CD163L1: variants seen among roughly 807,000 people sequenced by gnomAD.
CD163L1 encodes the protein scavenger receptor cysteine-rich type 1 protein M160.
In CD163L1, 124 loss-of-function variants were observed where a neutral mutation model predicts 165.4. The observed-to-expected ratio is 0.75, with a 90% CI of 0.65 to 0.87. CD163L1 has a LOEUF of 0.87. Among genes scored for constraint, CD163L1 ranks in the 40% least tolerant of loss-of-function variants. The probability of loss-of-function intolerance (pLI) is 0.00; values close to 1 mark genes in which losing one functional copy is unlikely to be tolerated. For missense variants in CD163L1, 1,525 were observed against 1,799.9 expected (o/e 0.85, Z 2.76); for synonymous variants, 585 against 662.2 (o/e 0.88, Z 1.79).
the CD163L1 span, chr12:7,328,520 T>TA: frequency 2.0e-6 from 1 of 499,922 alleles, no homozygotes; most frequent in Non-Finnish European, 3.2e-6. Context: ...TTTACTTAGC[T>TA]AAAAAGTTTA....
chr12:7,388,711 C>A (rs1947575475), intron 8 of CD163L1, among the ~76,000 whole-genome samples: 3 of 149,888 alleles, frequency 2.0e-5, no homozygotes, highest in Non-Finnish European at 3.0e-5. Context: ...GCCACTCCAC[C>A]CCAGCCTGGA....
intron 8 of CD163L1, among the ~76,000 whole-genome samples, chr12:7,387,887 AAGCTACAGT>A (rs1413053684): frequency 6.6e-6 from 1 of 152,194 alleles, no homozygotes; most frequent in African/African-American, 2.4e-5. Context: ...ATACACTACA[AAGCTACAGT>A]AACCAAAACA....
intron 8 of CD163L1, among the ~76,000 whole-genome samples, chr12:7,388,839 A>G (rs1368951055): frequency 1.3e-5 from 2 of 152,194 alleles, no homozygotes; most frequent in Admixed American, 1.3e-4. Context: ...AAAACTAAAA[A>G]TAGAACTTAA....
At chr12:7,420,470 C>T (rs1948327153) in intron 4 of CD163L1, among the ~76,000 whole-genome samples, 1 of 152,014 alleles carries the variant, frequency 6.6e-6, no homozygotes, top group Non-Finnish European at 1.5e-5. Flanking sequence ...CGACAAAAGA[C>T]TAATTTACAG....
At chr12:7,330,349 T>C in the CD163L1 span, among the ~76,000 whole-genome samples, 1 of 152,216 alleles carries the variant, frequency 6.6e-6, no homozygotes, top group East Asian at 1.9e-4. Context: ...TCCATTTCCG[T>C]AAGCTAACTT....
At chr12:7,362,830 A>G (rs762291217) in intron 18 of CD163L1, among the ~76,000 whole-genome samples, 3 of 151,426 alleles carry the variant, frequency 2.0e-5, no homozygotes, top group African/African-American at 7.2e-5. Context: ...ACATTTGCAC[A>G]TGCATTTTTA....
chr12:7,393,050 G>A (rs1947691196), intron 8 of CD163L1, among the ~76,000 whole-genome samples: 1 of 152,088 alleles, frequency 6.6e-6, no homozygotes, highest in Non-Finnish European at 1.5e-5. Flanking sequence ...GAAAAAAAAG[G>A]AATCCTCCCT....
the CD163L1 span, among the ~76,000 whole-genome samples, chr12:7,335,619 C>T: frequency 6.6e-6 from 1 of 152,136 alleles, no homozygotes; most frequent in East Asian, 1.9e-4. Flanking sequence ...ATGTTTAAAA[C>T]ACCAAAAGCA....
At chr12:7,320,851 T>A in the CD163L1 span, 1 of 1,468,352 alleles carries the variant, frequency 6.8e-7, no homozygotes. Flanking sequence ...ATAGCTACCA[T>A]CCAGGATCAC....
Position 7,368,138 on chromosome 12 carries a change from G to A in CD163L1, c.4132C>T (p.Leu1378=). 1 of 1,612,830 alleles carries A rather than the reference G, an allele frequency of 6.2e-7. No individual in the cohort carries two copies. ...FGLLLLVLFI[L]FLTWCRVQKQ... ...TGAACTCGGCACCACGTGAGAAATA[G>A]AATAAACAGAACCAGGAGAAGGAGC... The change falls in exon 17 of 20, where the codon CTA becomes TTA. Residue 1378 remains leucine, a synonymous_variant. Coordinates refer to ENST00000313599, the MANE Select transcript of CD163L1 (RefSeq NM_174941.6). This position sits in a 1 kb window ranked among gnomAD's most constrained non-coding sequence, Gnocchi z 4.3.
intron 4 of CD163L1, among the ~76,000 whole-genome samples, chr12:7,417,919 G>A (rs1948278200): frequency 6.6e-6 from 1 of 151,702 alleles, no homozygotes; most frequent in East Asian, 1.9e-4. Flanking sequence ...TAACAAAATA[G>A]CATCAATAGG....
chr12:7,325,814 CACA>C, the CD163L1 span, among the ~76,000 whole-genome samples: 1 of 152,186 alleles, frequency 6.6e-6, no homozygotes, highest in Non-Finnish European at 1.5e-5. Context: ...TTTCTACAGA[CACA>C]ACAAGTGACA....
rs184510951 is a variant in CD163L1 at position 7,435,176 on chromosome 12, C to T, written c.125-1482G>A. Among the ~76,000 whole-genome samples, 283 of 151,538 alleles carry T rather than the reference C, an allele frequency of 1.9e-3. 2 individuals are homozygous for T. Among genetic ancestry groups the T allele is most frequent in the African/African-American group, 6.6e-3 (271 of 41,342 alleles). The stretch of plus-strand genomic sequence containing the variant: ...ATACTGATTAAGGTGTTTTTTTCAA[C>T]GTGTACATTAGAATTTCTACTAATT... On this transcript the variant is annotated intron_variant, in intron 2 of 19. Coordinates refer to ENST00000313599, the MANE Select transcript of CD163L1 (RefSeq NM_174941.6).
chr12:7,321,187 A>G, the CD163L1 span, among the ~76,000 whole-genome samples: 4 of 152,200 alleles, frequency 2.6e-5, no homozygotes, highest in Non-Finnish European at 5.9e-5. Flanking sequence ...TCAAAAAAAA[A>G]TTGTCCTCTA....
At chr12:7,352,249 A>C (rs1417174116), downstream of CD163L1, among the ~76,000 whole-genome samples, 1 of 152,150 alleles carries the variant, frequency 6.6e-6, no homozygotes, top group Non-Finnish European at 1.5e-5. Flanking sequence ...CCAAAGGCAA[A>C]AAATAGTTTG....
At chr12:7,335,691 C>CA in the CD163L1 span, among the ~76,000 whole-genome samples, 1 of 152,096 alleles carries the variant, frequency 6.6e-6, no homozygotes, top group Non-Finnish European at 1.5e-5. Flanking sequence ...TTCTGCACAG[C>CA]AAAAGAAACT....
At chr12:7,430,587 AT>A (rs746035001) in intron 4 of CD163L1, among the ~76,000 whole-genome samples, 1 of 152,190 alleles carries the variant, frequency 6.6e-6, no homozygotes, top group Non-Finnish European at 1.5e-5. Context: ...AATAATTCCC[AT>A]CCCTCTGGTA....
chr12:7,322,697 G>A, the CD163L1 span, among the ~76,000 whole-genome samples: 1 of 152,104 alleles, frequency 6.6e-6, no homozygotes, highest in African/African-American at 2.4e-5. Context: ...CTTGCAGATT[G>A]CTCAGTTAGG....
rs755665690 is a variant in CD163L1, at chr12:7,375,537, G to C, written c.2745C>G (p.Ile915Met). ...GKSQCDGQVEINVLGHWGSLC... is the reference protein window; with the variant it reads ...GKSQCDGQVEMNVLGHWGSLC... ...GTGAGCCCCAGTGTCCAAGCACGTT[G>C]ATCTCCACTTGCCCGTCACACTGGG... The change falls in exon 11 of 20, where the codon ATC (isoleucine) becomes ATG (methionine). Residue 915 changes from isoleucine to methionine, a missense_variant. By Grantham distance (10) the Ile-to-Met change is conservative. Transcript: ENST00000313599. The C allele has an allele frequency of 1.2e-5, 20 of 1,613,746 alleles. No homozygotes were observed. The highest frequency in any genetic ancestry group is 1.7e-6 in the Non-Finnish European group (2 of 1,180,032).
Sources: allele counts gnomAD v4.1 joint callset (sites outside exome capture counted in the v4.1 genomes callset), GRCh38; gene constraint gnomAD v4.1.1; non-coding constraint Gnocchi (gnomAD v3.1); transcripts MANE v1.5; gene names NCBI Gene and HGNC (gene_info 2026-07-23, HGNC 2026-07-21).